EPN1: variants seen among roughly 807,000 people sequenced by gnomAD.
EPN1 encodes epsin-1.
In EPN1, 25 loss-of-function variants were observed where a neutral mutation model predicts 56.9. That is an observed-to-expected ratio of 0.44 (90% CI 0.32 to 0.61). EPN1 has a LOEUF of 0.61. Ranked by LOEUF, EPN1 falls within the 20% of genes least tolerant of loss-of-function variation. The pLI is 0.05. For missense variants in EPN1, 785 were observed against 823.7 expected (o/e 0.95, Z 0.58); for synonymous variants, 411 against 361.8 (o/e 1.14, Z -1.54).
chr19:55,677,190 C>A lies in EPN1; in HGVS notation c.-101-1337C>A, dbSNP rs753951669. 6.5e-7 allele frequency: 1 copy of A among 1,548,288 alleles called. No individual in the cohort carries two copies. Among genetic ancestry groups the A allele is most frequent in the African/African-American group, 1.4e-5 (1 of 73,072 alleles). ...CGCATAGATGGGTGATCAGAGCTGG[C>A]TCTGGAACCAGGCTGCTCCAGGAGT... On this transcript the variant is annotated intron_variant, in intron 1 of 10. Transcript: ENST00000270460.
rs1986108470 is a variant in EPN1, at chr19:55,685,530, G to C, written c.363G>C (p.Val121=). Reference sequence around the variant, plus strand: ...ACCGCGACGGCAAGGACCAGGGCGTGAACGTGCGTGAGAAAGCTAAGCAGC... The same window carrying C: ...ACCGCGACGGCAAGGACCAGGGCGTCAACGTGCGTGAGAAAGCTAAGCAGC... The part of the protein sequence containing the change: ...YVDRDGKDQG[V]NVREKAKQLV... The change falls in exon 3 of 11, where the codon GTG becomes GTC. Residue 121 remains valine (V), a synonymous_variant. Transcript: ENST00000270460. 1 of 1,612,490 alleles carries C rather than the reference G, an allele frequency of 6.2e-7. No homozygotes were observed. Among genetic ancestry groups the C allele is most frequent in the African/African-American group, 1.3e-5 (1 of 74,918 alleles).
chr19:55,699,963 C>T lies in EPN1; in HGVS notation c.*4607C>T, dbSNP rs1253374466. On this transcript the variant is annotated 3_prime_UTR_variant, in exon 11 of 11. Transcript: ENST00000270460. ...TGAGACAGAGTCTTGCTCTGTCGCC[C>T]AGGCTGGAGTGCAGTGGCTCGATCT... 6.6e-6 allele frequency: 1 copy of T among 151,990 alleles called. No individual in the cohort carries two copies. The highest frequency in any genetic ancestry group is 1.5e-5 in the Non-Finnish European group (1 of 68,042). The allele number at this position is 151,990 out of a possible 1,614,324, so 9.4% of individuals were successfully genotyped here. A position where few individuals can be genotyped will look rare whatever the true frequency, so the allele number is the denominator to read the frequency against.
rs147293259 is a variant in EPN1 at position 55,679,080 on chromosome 19, A to G, written c.228+225A>G. Among the ~76,000 whole-genome samples, 603 of 152,360 alleles carry G rather than the reference A, an allele frequency of 4.0e-3. 8 individuals carry two copies. Among genetic ancestry groups the G allele is most frequent in the African/African-American group, 0.014 (584 of 41,580 alleles). On this transcript the variant is annotated intron_variant, in intron 2 of 10. Transcript: ENST00000270460. ...AGTGAGTGGTGCGTACGTAAGATTC[A>G]TGTGCTGAGGAGGCCTGAGAGGGCC...
Position 55,704,445 on chromosome 19 carries a change from G to A in EPN1, c.*9089G>A, listed in dbSNP as rs1474412746. 6.6e-6 allele frequency: 1 copy of A among 152,262 alleles called. No homozygotes were observed. The highest frequency in any genetic ancestry group is 1.5e-5 in the Non-Finnish European group (1 of 68,072). 9.4% of individuals were successfully genotyped at this position (152,262 alleles called of 1,614,324 possible). On this transcript the variant is annotated 3_prime_UTR_variant, in exon 11 of 11. Coordinates refer to ENST00000270460, the MANE Select transcript of EPN1 (RefSeq NM_001130072.2). ...TTATATAGTGGGGTTGCACCTTCAT[G>A]TGAGGACGCCGGGAGAAGACAGCCG...
chr19:55,687,201 C>T (rs1986227992), intron 3 of EPN1, among the ~76,000 whole-genome samples: 2 of 152,142 alleles, frequency 1.3e-5, no homozygotes, highest in African/African-American at 4.8e-5. Flanking sequence ...AATGTAAAGG[C>T]CTTTCTTAGA....
At position 55,705,198 on chromosome 19, in the gene EPN1, G is replaced by A. The variant is rs1325655618; in HGVS notation, c.*9842G>A. Reference sequence around the variant, plus strand: ...CCATGGAGACCTCTTAGGAGTCTTTGAAGGAACTTAGCATAGATACCGATA... The same window carrying A: ...CCATGGAGACCTCTTAGGAGTCTTTAAAGGAACTTAGCATAGATACCGATA... On this transcript the variant is annotated 3_prime_UTR_variant, in exon 11 of 11. Transcript: ENST00000270460. 6.6e-6 allele frequency: 1 copy of A among 152,244 alleles called. No homozygotes were observed. The highest frequency in any genetic ancestry group is 1.9e-4 in the East Asian group (1 of 5,202). The allele number at this position is 152,244 out of a possible 1,614,324, so 9.4% of individuals were successfully genotyped here.
In EPN1 at chr19:55,701,724, G is replaced by C. The variant is rs1987149942; in HGVS notation, c.*6368G>C. On this transcript the variant is annotated 3_prime_UTR_variant, in exon 11 of 11. Coordinates refer to ENST00000270460, the MANE Select transcript of EPN1 (RefSeq NM_001130072.2). The stretch of plus-strand genomic sequence containing the variant: ...TGGTCTCACAGCCGAGGAAATCAAG[G>C]ATGTGGATGCACACAGAGTGAGATT... 1.3e-5 allele frequency: 2 copies of C among 152,118 alleles called. No homozygotes were observed. The highest frequency in any genetic ancestry group is 1.5e-5 in the Non-Finnish European group (1 of 68,062). 9.4% of individuals were successfully genotyped at this position (152,118 alleles called of 1,614,324 possible). A position where few individuals can be genotyped will look rare whatever the true frequency, so the allele number is the denominator to read the frequency against.
At position 55,707,194 on chromosome 19, in the gene EPN1, A is replaced by C. The variant is rs1215472342; in HGVS notation, c.*11838A>C. The stretch of plus-strand genomic sequence containing the variant: ...AGTGAGGCTGTCTCTCAAAAAAAAA[A>C]AAAAAGGAACGGTAGTGTGCACCTG... On this transcript the variant is annotated 3_prime_UTR_variant, in exon 11 of 11. Transcript: ENST00000270460. The C allele has an allele frequency of 6.6e-6, 1 of 151,616 alleles. No homozygotes were observed. Among genetic ancestry groups the C allele is most frequent in the Non-Finnish European group, 1.5e-5 (1 of 67,954 alleles). The allele number at this position is 151,616 out of a possible 1,614,324, so 9.4% of individuals were successfully genotyped here. A position where few individuals can be genotyped will look rare whatever the true frequency, so the allele number is the denominator to read the frequency against.
chr19:55,689,878 C>A lies in EPN1; in HGVS notation c.690C>A (p.Ile230=). 6.2e-7 allele frequency: 1 copy of A among 1,602,994 alleles called. No individual in the cohort carries two copies. The highest frequency in any genetic ancestry group is 8.5e-7 in the Non-Finnish European group (1 of 1,175,156). Residue 230 remains isoleucine (I), a synonymous_variant, in exon 6 of 11, where the codon ATC becomes ATA. Transcript: ENST00000270460. This position sits in a 1 kb window ranked among gnomAD's most constrained non-coding sequence, Gnocchi z 5.7. The part of the protein sequence containing the change: ...SREEHDKEER[I]RRGDDLRLQM... ...CCGTGCCCCAACAGGAGGAGCGGATCCGTCGCGGGGATGACCTGCGGCTGC... is the reference window on the plus strand; with the variant it reads ...CCGTGCCCCAACAGGAGGAGCGGATACGTCGCGGGGATGACCTGCGGCTGC...
intron 1 of EPN1, chr19:55,677,739 G>C (rs1985536267): frequency 6.5e-7 from 1 of 1,536,754 alleles, no homozygotes; most frequent in South Asian, 1.2e-5. Flanking sequence ...CCCTGGGTTG[G>C]TTCCCTGCTC....
chr19:55,677,424 C>T, intron 1 of EPN1: 1 of 674,900 alleles, frequency 1.5e-6, no homozygotes, highest in Non-Finnish European at 2.6e-6. Flanking sequence ...CGTCACCAGT[C>T]TCGGGATGGG....
chr19:55,678,973 GT>G (rs1568564298), intron 2 of EPN1, 118 bp downstream of exon 2: 1 of 678,158 alleles, frequency 1.5e-6, no homozygotes, highest in Non-Finnish European at 2.5e-6. Flanking sequence ...CTGGAGAAGA[GT>G]AAAATCTCTC....
rs563684826 is a variant in EPN1, at chr19:55,689,936, G to T, written c.748G>T (p.Gly250Trp). Reference protein sequence around the residue: ...MAIEESKRETGGKEESSLMDL... With the variant: ...MAIEESKRETWGKEESSLMDL... ...AATCGAGGAGAGCAAGAGGGAGACT[G>T]GGGGCAAGGAGGAGGTGAGCGGGGC... Residue 250 changes from glycine to tryptophan, a missense_variant, in exon 6 of 11, where the codon GGG (glycine) becomes TGG (tryptophan). Around this residue, in one of 2 missense-constraint regions of EPN1, gnomAD observed 650 missense variants for 605.0 expected, o/e 1.07. Transcript: ENST00000270460. The surrounding 1 kb of genome is among the most constrained non-coding windows in gnomAD (Gnocchi z 5.7). 21 of 1,602,504 alleles carry T rather than the reference G, an allele frequency of 1.3e-5. No individual in the cohort carries two copies. Among genetic ancestry groups the T allele is most frequent in the South Asian group, 1.1e-4 (10 of 88,560 alleles).
chr19:55,685,678 G>T (rs557431674), intron 3 of EPN1, 33 bp downstream of exon 3: 5 of 1,567,110 alleles, frequency 3.2e-6, no homozygotes, highest in African/African-American at 2.7e-5. Flanking sequence ...TGACGGCCTA[G>T]AGTCTGTCCT....
At position 55,692,648 on chromosome 19, in the gene EPN1, A is replaced by G. The variant is rs1161541637; in HGVS notation, c.1067-38A>G. The G allele has an allele frequency of 4.3e-6, 6 of 1,382,720 alleles. No individual in the cohort carries two copies. The Admixed American group carries it at 7.5e-5, about 17-fold the overall frequency. 85.7% of individuals were successfully genotyped at this position (1,382,720 alleles called of 1,614,324 possible). The stretch of plus-strand genomic sequence containing the variant: ...TCCTCCCTAGCCATCTGGGCAGTCA[A>G]GGTTGCCAGCCCCTCATGCTCTTCT... On this transcript the variant is annotated intron_variant, in intron 7 of 10. Coordinates refer to ENST00000270460, the MANE Select transcript of EPN1 (RefSeq NM_001130072.2).
Position 55,706,167 on chromosome 19 carries a change from C to T in EPN1, c.*10811C>T, listed in dbSNP as rs1987393654. The stretch of plus-strand genomic sequence containing the variant: ...CTTCTTCCTCCTCCTCCTCTCTTTT[C>T]TTCTTCCTCTTCCTCCTTTTTCTCC... On this transcript the variant is annotated 3_prime_UTR_variant, in exon 11 of 11. Transcript: ENST00000270460. The T allele has an allele frequency of 1.2e-5, 2 of 172,694 alleles. No homozygotes were observed. Among genetic ancestry groups the T allele is most frequent in the Non-Finnish European group, 2.5e-5 (2 of 80,636 alleles). 10.7% of individuals were successfully genotyped at this position (172,694 alleles called of 1,614,324 possible). A position where few individuals can be genotyped will look rare whatever the true frequency, so the allele number is the denominator to read the frequency against.
At chr19:55,686,177 G>A (rs1277835076) in intron 3 of EPN1, among the ~76,000 whole-genome samples, 2 of 152,216 alleles carry the variant, frequency 1.3e-5, no homozygotes, top group Non-Finnish European at 2.9e-5. Flanking sequence ...GACCAGCACC[G>A]AAAACAAAAC....
At chr19:55,688,736 G>A (rs554312761) in intron 3 of EPN1, 134 bp from the exon 4 acceptor site, 1 of 1,310,470 alleles carries the variant, frequency 7.6e-7, no homozygotes, top group Admixed American at 2.1e-5. Flanking sequence ...TCCTAGTCTT[G>A]GCCTGCAGAG....
rs1202588642 is a variant in EPN1 at position 55,689,281 on chromosome 19, ACT to A, written c.604-8_604-7del. The A allele has an allele frequency of 9.9e-6, 15 of 1,516,514 alleles. No individual in the cohort carries two copies. The highest frequency in any genetic ancestry group is 7.5e-5 in the African/African-American group (5 of 66,684). The allele number at this position is 1,516,514 out of a possible 1,614,324, so 93.9% of individuals were successfully genotyped here. On this transcript the variant is annotated splice_polypyrimidine_tract_variant and intron_variant, in intron 4 of 10. Transcript: ENST00000270460. This position sits in a 1 kb window ranked among gnomAD's most constrained non-coding sequence, Gnocchi z 5.7. ...TGGCCCCTCCCGTCATGCCCCTCAC[ACT>A]CTCTCTCCCCCAGCCCCCGTCCTGC...
Sources: gnomAD v4.1 joint callset for allele counts (sites outside exome capture counted in the v4.1 genomes callset) on GRCh38, gnomAD v4.1.1 for gene constraint, gnomAD v4.1.1 regional missense constraint, Gnocchi (gnomAD v3.1) non-coding constraint, MANE v1.5 for transcripts, NCBI Gene and HGNC (gene_info 2026-07-23, HGNC 2026-07-21) for gene names.